TRPM6: variants seen among roughly 807,000 people sequenced by gnomAD.
TRPM6 encodes the protein channel kinase 2.
TRPM6 carries 111 observed loss-of-function variants against 247.6 expected under a neutral mutation model. That is an observed-to-expected ratio of 0.45 (90% confidence interval 0.38 to 0.52). TRPM6 has a LOEUF of 0.52. TRPM6 is among the 20% of genes least tolerant of loss of function. The pLI, the probability that TRPM6 is intolerant of heterozygous loss-of-function variation, is 0.00. For synonymous variants in TRPM6, 892 were observed against 853.8 expected, an observed-to-expected ratio of 1.04 and a Z score of -0.78; for missense variants, 2,126 against 2,421.5, an observed-to-expected ratio of 0.88 and a Z score of 2.56.
chr9:74,880,648 A>C (rs1831331471), intron 1 of TRPM6, among the ~76,000 whole-genome samples: 1 of 152,210 alleles, frequency 6.6e-6, no homozygotes, highest in Non-Finnish European at 1.5e-5. Flanking sequence ...AAAGCTGAAG[A>C]AATTCATCAC....
chr9:74,835,409 T>C (rs182491396), intron 5 of TRPM6, among the ~76,000 whole-genome samples: 2 of 152,256 alleles, frequency 1.3e-5, no homozygotes, highest in Admixed American at 6.5e-5. Flanking sequence ...TCTTACCCAA[T>C]GTCCCAGCAC....
At chr9:74,761,402 T>C (rs1826624449) in intron 27 of TRPM6, among the ~76,000 whole-genome samples, 1 of 152,152 alleles carries the variant, frequency 6.6e-6, no homozygotes, top group South Asian at 2.1e-4. Context: ...TTGCAGTATA[T>C]CCACTCTAAT....
intron 1 of TRPM6, among the ~76,000 whole-genome samples, chr9:74,871,551 A>C (rs1257361275): frequency 6.6e-6 from 1 of 152,200 alleles, no homozygotes; most frequent in Non-Finnish European, 1.5e-5. Flanking sequence ...TCATGTATAT[A>C]TATGTTATTT....
In TRPM6 at chr9:74,738,495, G is replaced by C. The variant is rs1825762339; in HGVS notation, c.5688C>G (p.Pro1896=). The change falls in exon 36 of 39, where the codon CCC becomes CCG. Residue 1896 remains proline (P), a synonymous_variant. Transcript: ENST00000360774. ...ACATCAGCTCCTCCAGGGTGTTGGT[G>C]GGGGTGATTTCATCACCATTGTTGT... ...YNNNNGDEIT[P]TNTLEELMLA... 2 of 1,614,078 alleles carry C rather than the reference G, an allele frequency of 1.2e-6. No individual in the cohort carries two copies. The highest frequency in any genetic ancestry group is 1.7e-6 in the Non-Finnish European group (2 of 1,179,988).
chr9:74,803,358 T>C (rs983070773), intron 15 of TRPM6, among the ~76,000 whole-genome samples: 1 of 151,838 alleles, frequency 6.6e-6, no homozygotes, highest in African/African-American at 2.4e-5. Flanking sequence ...TTCATAATAA[T>C]TTCAAGAAAG....
At chr9:74,887,793 G>A in intron 1 of TRPM6, 31 bp downstream of exon 1, 3 of 1,614,102 alleles carry the variant, frequency 1.9e-6, no homozygotes, top group Non-Finnish European at 2.5e-6. Flanking sequence ...TAAGGTCCTT[G>A]TTCCCCGCCA....
At chr9:74,825,396 A>G (rs887599524) in intron 7 of TRPM6, among the ~76,000 whole-genome samples, 1 of 152,168 alleles carries the variant, frequency 6.6e-6, no homozygotes, top group African/African-American at 2.4e-5. Context: ...TATGTTAGGT[A>G]TGAAGATCAG....
chr9:74,796,818 G>T lies in TRPM6; in HGVS notation c.2314C>A (p.Pro772Thr), dbSNP rs1035556811. ...ATAAATTGGAAGTCCTGGGACTGGG[G>T]AACATGTGACATCTCAGCTTTGCTT... ...FKSKAEMSHV[P>T]QSQDFQFMWY... The change falls in exon 18 of 39, where the codon CCC becomes ACC. Residue 772 changes from proline (P) to threonine (T), a missense_variant. Physicochemically the swap from Pro to Thr is conservative, Grantham distance 38. Transcript: ENST00000360774. 1.2e-6 allele frequency: 2 copies of T among 1,613,806 alleles called. No homozygotes were observed. Among genetic ancestry groups the T allele is most frequent in the Non-Finnish European group, 1.7e-6 (2 of 1,179,768 alleles).
rs1000468104 is a variant in TRPM6 at position 74,881,387 on chromosome 9, A to G, written c.33+6437T>C. On this transcript the variant is annotated intron_variant, in intron 1 of 38. Transcript: ENST00000360774. ...TATAAGGCAATCAATTCAGCAAGAA[A>G]GTATAACAATTCTAAACATATATGC... Among the ~76,000 whole-genome samples, 68 of 152,252 alleles carry G rather than the reference A, an allele frequency of 4.5e-4. 1 individual carries two copies. Among genetic ancestry groups the G allele is most frequent in the African/African-American group, 1.5e-3 (63 of 41,552 alleles).
chr9:74,785,766 G>T (rs564907111), intron 21 of TRPM6, 108 bp downstream of exon 21: 75 of 1,226,812 alleles, frequency 6.1e-5, no homozygotes, highest in South Asian at 2.2e-4. Context: ...CTTGTGATCC[G>T]CCCGCCTTGG....
intron 5 of TRPM6, among the ~76,000 whole-genome samples, chr9:74,836,659 C>T (rs991733472): frequency 4.6e-5 from 7 of 152,232 alleles, no homozygotes; most frequent in Non-Finnish European, 1.0e-4. Context: ...ATTCATCCTG[C>T]TGTTCAAATT....
intron 31 of TRPM6, among the ~76,000 whole-genome samples, chr9:74,745,487 G>C (rs1410494330): frequency 3.3e-5 from 5 of 151,660 alleles, no homozygotes; most frequent in African/African-American, 9.7e-5. Context: ...GTGTGTGTAT[G>C]CATCAACTTA....
Position 74,782,937 on chromosome 9 carries a change from T to C in TRPM6, c.2920-84A>G, listed in dbSNP as rs1827515591. 1.2e-5 allele frequency: 15 copies of C among 1,255,352 alleles called. No individual in the cohort carries two copies. The Admixed American group carries it at 1.4e-4, about 12-fold the overall frequency. The allele number at this position is 1,255,352 out of a possible 1,614,324, so 77.8% of individuals were successfully genotyped here. A position where few individuals can be genotyped will look rare whatever the true frequency, so the allele number is the denominator to read the frequency against. ...CAAACACCAGCAGCCATCATAACTA[T>C]ACCTGCAAATAATAAGATTGTCTAG... On this transcript the variant is annotated intron_variant, in intron 21 of 38. Coordinates refer to ENST00000360774, the MANE Select transcript of TRPM6 (RefSeq NM_017662.5).
chr9:74,829,338 C>T (rs184799722), intron 6 of TRPM6, among the ~76,000 whole-genome samples: 325 of 152,248 alleles, frequency 2.1e-3, no homozygotes, highest in African/African-American at 7.5e-3. Flanking sequence ...ACCAGCCAAA[C>T]AGTATTTCAT....
At chr9:74,790,520 G>T (rs1204510926) in intron 19 of TRPM6, among the ~76,000 whole-genome samples, 1 of 152,124 alleles carries the variant, frequency 6.6e-6, no homozygotes, top group African/African-American at 2.4e-5. Context: ...TCCTTATACT[G>T]ATTCCTTATA....
At chr9:74,866,437 T>C (rs1223824830) in intron 1 of TRPM6, among the ~76,000 whole-genome samples, 2 of 152,172 alleles carry the variant, frequency 1.3e-5, no homozygotes, top group Non-Finnish European at 2.9e-5. Flanking sequence ...TTCACTGTCA[T>C]TCCACTATCA....
At chr9:74,742,698 C>T (rs889932695) in intron 32 of TRPM6, 72 bp from the exon 33 acceptor site, 50 of 1,245,900 alleles carry the variant, frequency 4.0e-5, no homozygotes, top group Non-Finnish European at 5.9e-5. Context: ...CTCTCCACAT[C>T]AATATATTCA....
chr9:74,785,797 A>G (rs1741403618), intron 21 of TRPM6, 77 bp downstream of exon 21: 1 of 1,530,406 alleles, frequency 6.5e-7, no homozygotes. Context: ...TGCTGGGATT[A>G]CAGGTGTGAG....
intron 36 of TRPM6, among the ~76,000 whole-genome samples, chr9:74,734,122 T>C (rs1469024353): frequency 6.6e-6 from 1 of 152,222 alleles, no homozygotes; most frequent in Non-Finnish European, 1.5e-5. Flanking sequence ...AGTGAATCTC[T>C]TATAAAATAC....
Sources: allele counts gnomAD v4.1 joint callset (sites outside exome capture counted in the v4.1 genomes callset), GRCh38; gene constraint gnomAD v4.1.1; transcripts MANE v1.5; gene names NCBI Gene and HGNC (gene_info 2026-07-23, HGNC 2026-07-21).